The following MDFIC2 variants were observed in gnomAD, a reference collection of about 807,000 sequenced individuals.
The protein encoded by MDFIC2 is myoD family inhibitor domain-containing protein 2.
rs79092316 is a variant in MDFIC2, at chr3:70,271,334, A to G, written c.88+40552T>C. Among the ~76,000 whole-genome samples, 667 of 152,228 alleles carry G rather than the reference A, an allele frequency of 4.4e-3. 5 individuals carry two copies. Among genetic ancestry groups the G allele is most frequent in the African/African-American group, 0.016 (655 of 41,530 alleles). On this transcript the variant is annotated intron_variant, in intron 2 of 3. Coordinates refer to ENST00000567252, the MANE Select transcript of MDFIC2 (RefSeq NM_001364677.1). ...AACTGGAGAGCATTATGCACAAATA[A>G]ACTGTGTTGTGGCTACTCACCTCCA... is the stretch of plus-strand genomic sequence containing the variant.
At chr3:70,223,967 T>C (rs999865294) in intron 2 of MDFIC2, among the ~76,000 whole-genome samples, 3 of 152,070 alleles carry the variant, frequency 2.0e-5, no homozygotes, top group Non-Finnish European at 4.4e-5. Flanking sequence ...GACTATAACC[T>C]GATATGCTAT....
intron 2 of MDFIC2, among the ~76,000 whole-genome samples, chr3:70,238,344 A>G (rs1305595222): frequency 6.6e-6 from 1 of 152,004 alleles, no homozygotes; most frequent in African/African-American, 2.4e-5. Flanking sequence ...ATCGTGGCTC[A>G]CACCTGTAAC....
chr3:70,290,758 C>G (rs1050977257), intron 2 of MDFIC2, among the ~76,000 whole-genome samples: 4 of 152,198 alleles, frequency 2.6e-5, no homozygotes, highest in Non-Finnish European at 5.9e-5. Flanking sequence ...GTTATAATCT[C>G]GTGGTGCGCC....
At chr3:70,204,236 CT>C (rs1701269024) in intron 3 of MDFIC2, among the ~76,000 whole-genome samples, 1 of 152,164 alleles carries the variant, frequency 6.6e-6, no homozygotes, top group Non-Finnish European at 1.5e-5. Flanking sequence ...GCAGTATTCT[CT>C]TTTCCCTTCT....
At chr3:70,229,084 A>C (rs1367532850) in intron 2 of MDFIC2, among the ~76,000 whole-genome samples, 1 of 152,210 alleles carries the variant, frequency 6.6e-6, no homozygotes, top group Non-Finnish European at 1.5e-5. Flanking sequence ...TGAACCAATA[A>C]CTGAATTTTG....
At chr3:70,295,462 G>T (rs1702280532) in intron 2 of MDFIC2, among the ~76,000 whole-genome samples, 1 of 152,070 alleles carries the variant, frequency 6.6e-6, no homozygotes. Flanking sequence ...CTAGCACTTT[G>T]GGAGGCCGAG....
At chr3:70,276,454 T>C (rs529185779) in intron 2 of MDFIC2, among the ~76,000 whole-genome samples, 17 of 152,276 alleles carry the variant, frequency 1.1e-4, no homozygotes, top group African/African-American at 3.8e-4. Flanking sequence ...CCTCTCATTA[T>C]TTTTTTAGGA....
chr3:70,283,649 GC>G (rs1354289012), intron 2 of MDFIC2: 2 of 151,918 alleles, frequency 1.3e-5, no homozygotes, highest in African/African-American at 4.8e-5. Context: ...CTGGGGTCAG[GC>G]TTTTGGAGCT....
intron 2 of MDFIC2, among the ~76,000 whole-genome samples, chr3:70,210,907 G>A (rs964543348): frequency 3.3e-5 from 5 of 152,048 alleles, no homozygotes; most frequent in African/African-American, 4.8e-5. Flanking sequence ...TTGAGCAAAT[G>A]TTATTAATTT....
intron 3 of MDFIC2, 147 bp downstream of exon 3, chr3:70,206,422 A>G: frequency 2.5e-6 from 1 of 392,944 alleles, no homozygotes. Context: ...ACCTTGACAT[A>G]TGTCATTCAC....
At chr3:70,219,709 A>G (rs17787105) in intron 2 of MDFIC2, among the ~76,000 whole-genome samples, 19,264 of 152,206 alleles carry the variant, frequency 0.13, 1,549 homozygotes, top group Non-Finnish European at 0.19. Flanking sequence ...TAAAATACAG[A>G]ATTGACACTG....
At chr3:70,228,821 A>G (rs1487526610) in intron 2 of MDFIC2, among the ~76,000 whole-genome samples, 1 of 151,660 alleles carries the variant, frequency 6.6e-6, no homozygotes, top group Non-Finnish European at 1.5e-5. Flanking sequence ...TAGCTGGGTT[A>G]TACCTCAAAA....
At chr3:70,285,784 T>G (rs1170235321) in intron 2 of MDFIC2, among the ~76,000 whole-genome samples, 3 of 152,190 alleles carry the variant, frequency 2.0e-5, no homozygotes, top group Non-Finnish European at 2.9e-5. Context: ...ATTGTGGTTT[T>G]GATTTGCATT....
At chr3:70,204,087 T>G (rs1701267918) in intron 3 of MDFIC2, among the ~76,000 whole-genome samples, 1 of 152,184 alleles carries the variant, frequency 6.6e-6, no homozygotes, top group Admixed American at 6.6e-5. Flanking sequence ...TTACAAAATC[T>G]GCATGTGTGA....
chr3:70,280,307 C>T (rs73102657), intron 2 of MDFIC2, among the ~76,000 whole-genome samples: 32,973 of 152,086 alleles, frequency 0.22, 3,700 homozygotes, highest in South Asian at 0.36. Context: ...CGTCAGGATC[C>T]TTAACTCAGT....
At chr3:70,307,328 C>T (rs777853854) in intron 2 of MDFIC2, among the ~76,000 whole-genome samples, 6 of 152,108 alleles carry the variant, frequency 3.9e-5, no homozygotes, top group South Asian at 2.1e-4. Flanking sequence ...GCACTTCAAA[C>T]GCTGACAATG....
chr3:70,285,423 T>TA (rs1436008622), intron 2 of MDFIC2, among the ~76,000 whole-genome samples: 2 of 152,158 alleles, frequency 1.3e-5, no homozygotes, highest in Admixed American at 6.5e-5. Context: ...TTCTATGGTG[T>TA]ATATATGCCA....
chr3:70,228,215 T>C (rs180938963), intron 2 of MDFIC2, among the ~76,000 whole-genome samples: 14 of 152,196 alleles, frequency 9.2e-5, no homozygotes, highest in Admixed American at 7.2e-4. Context: ...TAATATCCAC[T>C]ATGCTATCTA....
rs1434345901 is a variant in MDFIC2 at position 70,196,931 on chromosome 3, G to A, written c.565C>T (p.Arg189Cys). 3 of 398,344 alleles carry A rather than the reference G, an allele frequency of 7.5e-6. No individual in the cohort carries two copies. The highest frequency in any genetic ancestry group is 4.1e-5 in the African/African-American group (2 of 48,596). 24.7% of individuals were successfully genotyped at this position (398,344 alleles called of 1,614,324 possible). A position where few individuals can be genotyped will look rare whatever the true frequency, so the allele number is the denominator to read the frequency against. The change falls in exon 4 of 4, where the codon CGC (arginine) becomes TGC (cysteine). Residue 189 changes from arginine (R) to cysteine (C), a missense_variant. Physicochemically the swap from Arg to Cys is radical, Grantham distance 180 (BLOSUM62 -3). Coordinates refer to ENST00000567252, the MANE Select transcript of MDFIC2 (RefSeq NM_001364677.1). ...AATGTGGTTACTTCACTGTGCTAGC[G>A]GTAACAGATTTCTGAAATCTCCATG... Reference protein sequence around the residue: ...LAMEISEICYR With the variant: ...LAMEISEICYC
Sources: gnomAD v4.1 joint callset for allele counts (sites outside exome capture counted in the v4.1 genomes callset) on GRCh38, gnomAD v4.1.1 for gene constraint, MANE v1.5 for transcripts, NCBI Gene and HGNC (gene_info 2026-07-23, HGNC 2026-07-21) for gene names.